Variants in MYO16 observed in about 807,000 individuals in gnomAD.
The protein encoded by MYO16 is unconventional myosin-XVI.
A neutral mutation model predicts 205.3 loss-of-function variants in MYO16; 94 were observed. The observed-to-expected ratio is 0.46, with a 90% CI of 0.39 to 0.54. MYO16 has a LOEUF of 0.54. Among genes scored for constraint, MYO16 ranks in the 20% least tolerant of loss-of-function variants. MYO16 has a pLI of 0.00. For missense variants in MYO16, 2,315 were observed against 2,387.5 expected, an observed-to-expected ratio of 0.97 and a Z score of 0.63; for synonymous variants, 988 against 954.0, an observed-to-expected ratio of 1.04 and a Z score of -0.66.
intron 16 of MYO16, 146 bp from the exon 17 acceptor site, chr13:108,957,542 G>C: frequency 1.8e-6 from 1 of 567,662 alleles, no homozygotes; most frequent in Non-Finnish European, 3.3e-6. Context: ...GTGCTGTGAT[G>C]CACCAAATGC....
intron 15 of MYO16, among the ~76,000 whole-genome samples, chr13:108,900,965 G>A (rs183678009): frequency 3.9e-5 from 6 of 152,280 alleles, no homozygotes; most frequent in Non-Finnish European, 7.4e-5. Flanking sequence ...TGAAATGGCC[G>A]CTTTGGGGAT....
intron 4 of MYO16, among the ~76,000 whole-genome samples, chr13:108,765,014 C>A (rs8002915): frequency 9.9e-5 from 15 of 152,180 alleles, no homozygotes; most frequent in African/African-American, 3.6e-4. Flanking sequence ...GTAAATAATA[C>A]AATTCAGAAT....
intron 4 of MYO16, among the ~76,000 whole-genome samples, chr13:108,749,516 A>T (rs980097991): frequency 1.3e-5 from 2 of 152,228 alleles, no homozygotes; most frequent in African/African-American, 4.8e-5. Flanking sequence ...ATACCAAAAG[A>T]TGCTCAGTAG....
intron 34 of MYO16, chr13:109,201,474 G>T: frequency 8.1e-6 from 1 of 123,720 alleles, no homozygotes; most frequent in Non-Finnish European, 1.6e-5. Context: ...TTTTCCATCT[G>T]GAATCATCGT....
chr13:109,076,791 A>T (rs1035313864), intron 27 of MYO16, among the ~76,000 whole-genome samples: 1 of 152,100 alleles, frequency 6.6e-6, no homozygotes, highest in Admixed American at 6.6e-5. Context: ...CACAGCAGAG[A>T]TGGAAAATGA....
chr13:108,968,317 A>G (rs911298283), intron 20 of MYO16, among the ~76,000 whole-genome samples: 36 of 152,184 alleles, frequency 2.4e-4, no homozygotes, highest in Admixed American at 3.9e-4. Context: ...GAATAAGACA[A>G]TGTAGTAAGA....
intron 6 of MYO16, among the ~76,000 whole-genome samples, chr13:108,797,388 A>G (rs1338869535): frequency 1.3e-5 from 2 of 152,264 alleles, no homozygotes; most frequent in Non-Finnish European, 2.9e-5. Context: ...TGTATGCAGA[A>G]GGAAAGAAAT....
the MYO16 span, among the ~76,000 whole-genome samples, chr13:108,559,840 A>G: frequency 2.0e-5 from 3 of 152,140 alleles, no homozygotes; most frequent in South Asian, 2.1e-4. Flanking sequence ...TAAAGATTCT[A>G]TAAGAAAAAC....
At chr13:108,552,202 C>T in the MYO16 span, among the ~76,000 whole-genome samples, 1 of 152,106 alleles carries the variant, frequency 6.6e-6, no homozygotes, top group Non-Finnish European at 1.5e-5. Flanking sequence ...ACCTTAGCCT[C>T]CTGGACAGCC....
chr13:108,878,961 C>T (rs1273256024), intron 12 of MYO16, among the ~76,000 whole-genome samples: 2 of 152,324 alleles, frequency 1.3e-5, no homozygotes, highest in East Asian at 3.9e-4. Flanking sequence ...ATCCATTTAT[C>T]TAGTCTTTGC....
intron 31 of MYO16, among the ~76,000 whole-genome samples, chr13:109,138,082 C>CTGAA (rs1876863715): frequency 6.6e-6 from 1 of 152,186 alleles, no homozygotes; most frequent in Non-Finnish European, 1.5e-5. Context: ...ATGCATATGA[C>CTGAA]TGAATGAATG....
chr13:108,601,789 G>A (rs1394786024), intron 1 of MYO16, among the ~76,000 whole-genome samples: 1 of 152,104 alleles, frequency 6.6e-6, no homozygotes, highest in Non-Finnish European at 1.5e-5. Flanking sequence ...GTTTGGTTAT[G>A]TGACCTTTAT....
intron 15 of MYO16, among the ~76,000 whole-genome samples, chr13:108,901,537 G>A (rs58829929): frequency 0.026 from 3,917 of 152,218 alleles, 239 homozygotes; most frequent in East Asian, 0.17. Context: ...AACTGTGACC[G>A]TAAATTCAAT....
chr13:108,624,781 C>CTCTG (rs1555332943), upstream of MYO16, among the ~76,000 whole-genome samples: 1 of 121,544 alleles, frequency 8.2e-6, no homozygotes, highest in Non-Finnish European at 1.8e-5. Context: ...CCCATATAGC[C>CTCTG]TGAGTGTGTG....
chr13:109,072,180 C>T (rs143997905), intron 27 of MYO16, among the ~76,000 whole-genome samples: 1,966 of 152,242 alleles, frequency 0.013, 19 homozygotes, highest in Non-Finnish European at 0.019. Context: ...AGGTTAGGTC[C>T]TCTTGGTAAA....
intron 16 of MYO16, among the ~76,000 whole-genome samples, chr13:108,917,789 T>A (rs1242851210): frequency 6.6e-6 from 1 of 152,248 alleles, no homozygotes; most frequent in South Asian, 2.1e-4. Context: ...TACTTTTAAA[T>A]GGTCAAATTT....
At chr13:108,910,899 A>G (rs1440771542) in intron 16 of MYO16, among the ~76,000 whole-genome samples, 4 of 152,104 alleles carry the variant, frequency 2.6e-5, no homozygotes, top group East Asian at 1.9e-4. Flanking sequence ...CTCTGAGGAC[A>G]TGTGGATTGA....
intron 4 of MYO16, among the ~76,000 whole-genome samples, chr13:108,730,477 T>C (rs1884485569): frequency 6.6e-6 from 1 of 152,150 alleles, no homozygotes; most frequent in African/African-American, 2.4e-5. Context: ...GCAAAACACT[T>C]AGACCACCTT....
At position 108,992,673 on chromosome 13, in the gene MYO16, A is replaced by C. The variant is rs144167745; in HGVS notation, c.2442+225A>C. On this transcript the variant is annotated intron_variant, in intron 21 of 34. Coordinates refer to ENST00000457511, the MANE Select transcript of MYO16 (RefSeq NM_001198950.3). ...CATTGAAAGCAGAATCACTTGTTTT[A>C]AAAGACAATGCAAGATGAAGACCAG... Among the ~76,000 whole-genome samples the C allele has an allele frequency of 9.9e-3, 1,509 of 152,300 alleles. 45 individuals carry two copies. The highest frequency in any genetic ancestry group is 0.04 in the Admixed American group (610 of 15,294).
Sources: allele counts gnomAD v4.1 joint callset (sites outside exome capture counted in the v4.1 genomes callset), GRCh38; gene constraint gnomAD v4.1.1; transcripts MANE v1.5; gene names NCBI Gene and HGNC (gene_info 2026-07-23, HGNC 2026-07-21).